Variants in SOBP observed in about 807,000 individuals in gnomAD.
SOBP encodes sine oculis-binding protein homolog.
A neutral mutation model predicts 53.6 loss-of-function variants in SOBP; 4 were observed. That is an observed-to-expected ratio of 0.07 (90% confidence interval 0.04 to 0.17). The LOEUF (loss-of-function observed/expected upper bound fraction) is 0.17, where lower values mean the gene tolerates loss of function less well. SOBP is among the 10% of genes least tolerant of loss of function. The pLI, the probability that SOBP is intolerant of heterozygous loss-of-function variation, is 1.00. For missense variants in SOBP, 1,088 were observed against 1,204.7 expected (o/e 0.90, Z 1.43); for synonymous variants, 584 against 522.6 (o/e 1.12, Z -1.60).
At chr6:107,513,465 C>G (rs1284780699) in intron 3 of SOBP, among the ~76,000 whole-genome samples, 2 of 152,066 alleles carry the variant, frequency 1.3e-5, no homozygotes, top group Admixed American at 1.3e-4. Context: ...ATAATTCTGA[C>G]ATGGAGTTGT....
intron 6 of SOBP, among the ~76,000 whole-genome samples, chr6:107,648,817 A>C (rs1771673327): frequency 6.6e-6 from 1 of 152,136 alleles, no homozygotes; most frequent in African/African-American, 2.4e-5. Context: ...GATAGTAATA[A>C]ATATTTCAGT....
chr6:107,502,056 A>G (rs998592023), intron 1 of SOBP, among the ~76,000 whole-genome samples: 1 of 152,144 alleles, frequency 6.6e-6, no homozygotes, highest in African/African-American at 2.4e-5. Flanking sequence ...GTGGGTACTA[A>G]AGCAAAAAAT....
intron 5 of SOBP, among the ~76,000 whole-genome samples, chr6:107,631,962 G>T (rs1247551334): frequency 6.6e-6 from 1 of 152,190 alleles, no homozygotes; most frequent in East Asian, 1.9e-4. Flanking sequence ...CCAAGTGCGT[G>T]TTCGCCCATG....
At chr6:107,525,831 A>G (rs1783643843) in intron 3 of SOBP, among the ~76,000 whole-genome samples, 2 of 151,968 alleles carry the variant, frequency 1.3e-5, no homozygotes, top group Non-Finnish European at 1.5e-5. Flanking sequence ...CCCTGCTCTC[A>G]CTTTGCTTAC....
intron 1 of SOBP, among the ~76,000 whole-genome samples, chr6:107,495,082 T>G (rs187098625): frequency 2.6e-5 from 4 of 152,344 alleles, no homozygotes; most frequent in African/African-American, 9.6e-5. Flanking sequence ...GTCAGAAGCA[T>G]AATTCTCAGG....
chr6:107,616,972 C>G (rs1345154431), intron 5 of SOBP, among the ~76,000 whole-genome samples: 3 of 152,154 alleles, frequency 2.0e-5, no homozygotes, highest in African/African-American at 7.2e-5. Flanking sequence ...AGAGGATGAA[C>G]AGGCAGCAGA....
intron 4 of SOBP, among the ~76,000 whole-genome samples, chr6:107,538,356 C>T (rs1408918045): frequency 2.0e-5 from 3 of 152,156 alleles, no homozygotes; most frequent in Non-Finnish European, 4.4e-5. Context: ...ATTTAATTTG[C>T]AAAATGGCTA....
At chr6:107,505,007 T>A (rs1011435100) in intron 2 of SOBP, among the ~76,000 whole-genome samples, 2 of 152,230 alleles carry the variant, frequency 1.3e-5, no homozygotes, top group East Asian at 1.9e-4. Flanking sequence ...GAGGTTTTTG[T>A]TCATTTGTTT....
At chr6:107,643,161 C>T (rs978323742) in intron 6 of SOBP, among the ~76,000 whole-genome samples, 17 of 151,248 alleles carry the variant, frequency 1.1e-4, no homozygotes, top group Admixed American at 9.9e-4. Context: ...CAGACTGTAA[C>T]GTGATCTTTT....
chr6:107,499,745 C>G (rs539576935), intron 1 of SOBP, among the ~76,000 whole-genome samples: 1 of 152,266 alleles, frequency 6.6e-6, no homozygotes, highest in East Asian at 1.9e-4. Context: ...TCTTAAGAGA[C>G]TCTGCTTCAT....
At chr6:107,563,238 C>T (rs1472086224) in intron 4 of SOBP, among the ~76,000 whole-genome samples, 19 of 152,102 alleles carry the variant, frequency 1.2e-4, no homozygotes, top group Admixed American at 1.2e-3. Context: ...GCCTGGGCAA[C>T]AGAGTGAGAC....
Position 107,567,373 on chromosome 6 carries a change from C to T in SOBP, c.574-19707C>T, listed in dbSNP as rs989362758. 5.9e-5 allele frequency among the ~76,000 whole-genome samples: 9 copies of T among 152,324 alleles called. No individual in the cohort carries two copies. In the South Asian group the frequency reaches 1.9e-3, roughly 32 times the overall value. On this transcript the variant is annotated intron_variant, in intron 4 of 6. Transcript: ENST00000317357. ...CCCATGTCCTTCTGACCACTCTAGCCTATGAGGATGGCTCTATTTCACTGC... is the reference window on the plus strand; with the variant it reads ...CCCATGTCCTTCTGACCACTCTAGCTTATGAGGATGGCTCTATTTCACTGC...
At chr6:107,637,813 C>T (rs1420799961) in intron 6 of SOBP, among the ~76,000 whole-genome samples, 6 of 152,150 alleles carry the variant, frequency 3.9e-5, no homozygotes, top group Admixed American at 2.0e-4. Flanking sequence ...ATAAAATACA[C>T]GATGGCTATT....
Position 107,635,331 on chromosome 6 carries a change from G to A in SOBP, c.2487G>A (p.Gln829=). Reference sequence around the variant, plus strand: ...TGCCCAAGACCGGCTGCGTGATCCAGCCTGTGCCAAAACCCGCGGAGAAGG... The same window carrying A: ...TGCCCAAGACCGGCTGCGTGATCCAACCTGTGCCAAAACCCGCGGAGAAGG... The part of the protein sequence containing the change: ...RMLPKTGCVI[Q]PVPKPAEKAA... Residue 829 remains glutamine (Q), a synonymous_variant, in exon 6 of 7, where the codon CAG becomes CAA. Coordinates refer to ENST00000317357, the MANE Select transcript of SOBP (RefSeq NM_018013.4). The surrounding 1 kb of genome is among the most constrained non-coding windows in gnomAD (Gnocchi z 4.5). 1.2e-6 allele frequency: 2 copies of A among 1,613,690 alleles called. No individual in the cohort carries two copies. The highest frequency in any genetic ancestry group is 4.5e-5 in the East Asian group (2 of 44,862).
rs1465941239 is a variant in SOBP, at chr6:107,527,548, C to T, written c.422-5911C>T. On this transcript the variant is annotated intron_variant, in intron 3 of 6. Transcript: ENST00000317357. Reference sequence around the variant, plus strand: ...TTTTCTTGTGGTTCTAATTGCCACTCGTTCTAAGGAAGGCTCATTTACATA... The same window carrying T: ...TTTTCTTGTGGTTCTAATTGCCACTTGTTCTAAGGAAGGCTCATTTACATA... 4.6e-5 allele frequency among the ~76,000 whole-genome samples: 7 copies of T among 152,246 alleles called. No homozygotes were observed. In the South Asian group the frequency reaches 1.2e-3, roughly 27 times the overall value.
chr6:107,522,037 C>G (rs531885731), intron 3 of SOBP, among the ~76,000 whole-genome samples: 1 of 151,560 alleles, frequency 6.6e-6, no homozygotes, highest in South Asian at 2.1e-4. Flanking sequence ...GGAAGGTCTC[C>G]CTAGGATGAG....
At chr6:107,616,690 A>G (rs904392126) in intron 5 of SOBP, among the ~76,000 whole-genome samples, 11 of 152,346 alleles carry the variant, frequency 7.2e-5, no homozygotes, top group Admixed American at 2.0e-4. Context: ...AGAGGGTTCT[A>G]TGGCGCTCTC....
At chr6:107,555,228 G>A (rs1172185254) in intron 4 of SOBP, among the ~76,000 whole-genome samples, 1 of 151,822 alleles carries the variant, frequency 6.6e-6, no homozygotes, top group African/African-American at 2.4e-5. Context: ...ACCCTGCAAG[G>A]CATTTAAAAG....
At chr6:107,573,830 T>C (rs2115041599) in intron 4 of SOBP, among the ~76,000 whole-genome samples, 1 of 152,376 alleles carries the variant, frequency 6.6e-6, no homozygotes, top group East Asian at 1.9e-4. Context: ...GCTATAAATA[T>C]ATGATCTTTG....
Sources: gnomAD v4.1 joint callset for allele counts (sites outside exome capture counted in the v4.1 genomes callset) on GRCh38, gnomAD v4.1.1 for gene constraint, Gnocchi (gnomAD v3.1) non-coding constraint, MANE v1.5 for transcripts, NCBI Gene and HGNC (gene_info 2026-07-23, HGNC 2026-07-21) for gene names.